Variants in TPX2 observed in about 807,000 individuals in gnomAD.
TPX2 encodes targeting protein for Xklp2.
A neutral mutation model predicts 93.6 loss-of-function variants in TPX2; 21 were observed. The observed-to-expected ratio is 0.22, with a 90% CI of 0.16 to 0.32. TPX2 has a LOEUF of 0.32. Ranked by LOEUF, TPX2 falls within the 10% of genes least tolerant of loss-of-function variation. The pLI, the probability that TPX2 is intolerant of heterozygous loss-of-function variation, is 1.00. For missense variants in TPX2, 776 were observed against 871.1 expected (o/e 0.89, Z 1.37); for synonymous variants, 281 against 298.3 (o/e 0.94, Z 0.60).
chr20:31,776,050 G>GGTTTTT (rs2061995504), intron 8 of TPX2, 62 bp downstream of exon 8: 1 of 325,920 alleles, frequency 3.1e-6, no homozygotes, highest in African/African-American at 2.9e-5. Context: ...CTTGGTAGGT[G>GGTTTTT]TTTTTTTTTT....
At chr20:31,776,104 C>A (rs866140742) in intron 8 of TPX2, 116 bp downstream of exon 8, 1 of 947,806 alleles carries the variant, frequency 1.1e-6, no homozygotes, top group African/African-American at 2.0e-5. Context: ...GACGGAGTCT[C>A]GCTCTGTCGC....
chr20:31,771,821 C>T lies in TPX2; in HGVS notation c.608+139C>T, dbSNP rs570513080. On this transcript the variant is annotated intron_variant, in intron 7 of 17. Coordinates refer to ENST00000300403, the MANE Select transcript of TPX2 (RefSeq NM_012112.5). Reference sequence around the variant, plus strand: ...TGGTGAGGTGAATTGTTACATGTGTCCTGATGGGTGCTCAGATTTTTAAAT... The same window carrying T: ...TGGTGAGGTGAATTGTTACATGTGTTCTGATGGGTGCTCAGATTTTTAAAT... 1.4e-4 allele frequency: 124 copies of T among 866,848 alleles called. No individual in the cohort carries two copies. In the Admixed American group the frequency reaches 3.8e-3, roughly 27 times the overall value. The allele number at this position is 866,848 out of a possible 1,614,324, so 53.7% of individuals were successfully genotyped here.
At chr20:31,780,393 C>CA (rs2062026078) in intron 10 of TPX2, among the ~76,000 whole-genome samples, 1 of 151,916 alleles carries the variant, frequency 6.6e-6, no homozygotes, top group African/African-American at 2.4e-5. Context: ...TTCTAGTGGC[C>CA]AAAATGATTT....
chr20:31,760,079 T>C lies in TPX2; in HGVS notation c.129T>C (p.Asn43=). The C allele has an allele frequency of 6.2e-7, 1 of 1,613,824 alleles. No individual in the cohort carries two copies. Residue 43 remains asparagine (N), a synonymous_variant, in exon 4 of 18, where the codon AAT becomes AAC. Coordinates refer to ENST00000300403, the MANE Select transcript of TPX2 (RefSeq NM_012112.5). The part of the protein sequence containing the change: ...SWFEEKANLE[N]KLLGKNGTGG... The stretch of plus-strand genomic sequence containing the variant: ...CAGAGGAGAAGGCCAATTTGGAGAA[T>C]AAGTTACTGGGGAAGAATGGAACTG...
chr20:31,781,388 C>T (rs2123054666), intron 10 of TPX2, among the ~76,000 whole-genome samples: 1 of 151,510 alleles, frequency 6.6e-6, no homozygotes, highest in Non-Finnish European at 1.5e-5. Context: ...GCCTCAGCCT[C>T]CCGAGTAGCT....
intron 1 of TPX2, 93 bp from the exon 2 acceptor site, chr20:31,742,448 G>GAAT (rs2061758720): frequency 6.6e-6 from 1 of 152,266 alleles, no homozygotes; most frequent in Non-Finnish European, 1.5e-5. Flanking sequence ...AAAGTGCTGG[G>GAAT]ATTATAGGCG....
chr20:31,797,332 A>C, intron 15 of TPX2, 72 bp from the exon 16 acceptor site: 1 of 1,365,090 alleles, frequency 7.3e-7, no homozygotes, highest in Non-Finnish European at 1.0e-6. Context: ...CAGACATTAG[A>C]ACTTAAGTTA....
intron 12 of TPX2, among the ~76,000 whole-genome samples, chr20:31,787,282 G>A (rs1457782195): frequency 1.3e-5 from 2 of 150,002 alleles, no homozygotes; most frequent in African/African-American, 4.9e-5. Flanking sequence ...ACCCTACAAT[G>A]CTTACTGTTA....
chr20:31,789,367 C>T (rs919825247), intron 12 of TPX2, among the ~76,000 whole-genome samples: 12 of 152,156 alleles, frequency 7.9e-5, no homozygotes. Flanking sequence ...TAGAAGCTGA[C>T]ATGCACCTAG....
At chr20:31,781,878 G>A (rs1307221344) in intron 10 of TPX2, among the ~76,000 whole-genome samples, 9 of 151,956 alleles carry the variant, frequency 5.9e-5, no homozygotes, top group Non-Finnish European at 1.2e-4. Context: ...AGGGAGGTTG[G>A]ATTTGTAGTG....
intron 7 of TPX2, among the ~76,000 whole-genome samples, chr20:31,773,957 C>A (rs140648650): frequency 1.3e-5 from 2 of 151,818 alleles, no homozygotes; most frequent in Non-Finnish European, 2.9e-5. Flanking sequence ...CTGCAACCTC[C>A]GCTTCCCGTG....
chr20:31,760,131 T>G lies in TPX2; in HGVS notation c.181T>G (p.Leu61Val). 1 of 1,613,978 alleles carries G rather than the reference T, an allele frequency of 6.2e-7. No homozygotes were observed. Among genetic ancestry groups the G allele is most frequent in the East Asian group, 2.2e-5 (1 of 44,858 alleles). The change falls in exon 4 of 18, where the codon TTG becomes GTG. Residue 61 changes from leucine to valine, a missense_variant. Transcript: ENST00000300403. ...AGGGCTTTTTCAGGGCAAAACTCCT[T>G]TGAGAAAGGCTAATCTTCAGCAAGC... ...TGGLFQGKTP[L>V]RKANLQQAIV... is the part of the protein sequence containing the mutation.
Position 31,782,376 on chromosome 20 carries a change from C to G in TPX2, c.1182C>G (p.Leu394=). ...KSTAELEAEE[L]EKLQQYKFKA... Reference sequence around the variant, plus strand: ...CAGCAGAGCTGGAGGCTGAGGAGCTCGAGAAATTGCAACAGTAAGTCCCAC... The same window carrying G: ...CAGCAGAGCTGGAGGCTGAGGAGCTGGAGAAATTGCAACAGTAAGTCCCAC... Residue 394 remains leucine (L), a synonymous_variant, in exon 11 of 18, where the codon CTC becomes CTG. Transcript: ENST00000300403. 3.1e-6 allele frequency: 5 copies of G among 1,609,950 alleles called. No homozygotes were observed. Among genetic ancestry groups the G allele is most frequent in the Non-Finnish European group, 4.2e-6 (5 of 1,178,638 alleles).
intron 2 of TPX2, among the ~76,000 whole-genome samples, chr20:31,753,845 G>A (rs545130500): frequency 6.6e-6 from 1 of 152,118 alleles, no homozygotes. Flanking sequence ...GGCCAACATG[G>A]TGAAACCCCA....
At position 31,768,844 on chromosome 20, in the gene TPX2, C is replaced by G. The variant is rs182648068; in HGVS notation, c.357-1499C>G. On this transcript the variant is annotated intron_variant, in intron 5 of 17. Coordinates refer to ENST00000300403, the MANE Select transcript of TPX2 (RefSeq NM_012112.5). ...TGGCCGATACACATGTGAAAATGTA[C>G]TCAGTTTCACTGATCATCAGAGAAA... 1.6e-3 allele frequency among the ~76,000 whole-genome samples: 245 copies of G among 151,852 alleles called. 2 individuals are homozygous for G. The highest frequency in any genetic ancestry group is 5.8e-3 in the African/African-American group (238 of 41,110).
intron 12 of TPX2, among the ~76,000 whole-genome samples, chr20:31,789,885 G>A (rs1291294672): frequency 6.6e-6 from 1 of 152,204 alleles, no homozygotes; most frequent in Non-Finnish European, 1.5e-5. Context: ...TGAATGCAGA[G>A]AGAGGGAATT....
chr20:31,765,357 A>G (rs1477920048), intron 4 of TPX2, among the ~76,000 whole-genome samples: 1 of 150,028 alleles, frequency 6.7e-6, no homozygotes, highest in African/African-American at 2.4e-5. Context: ...AAACATGGCC[A>G]TGGTAACATG....
chr20:31,789,389 T>A (rs2062086601), intron 12 of TPX2, among the ~76,000 whole-genome samples: 1 of 152,104 alleles, frequency 6.6e-6, no homozygotes, highest in African/African-American at 2.4e-5. Context: ...CACTAGGAAT[T>A]CAAAGATGGT....
intron 12 of TPX2, among the ~76,000 whole-genome samples, chr20:31,790,978 G>C (rs1454929476): frequency 6.6e-6 from 1 of 152,172 alleles, no homozygotes; most frequent in Non-Finnish European, 1.5e-5. Flanking sequence ...CTTTATAAAA[G>C]TGGAGGCTTG....
Sources: gnomAD v4.1 joint callset for allele counts (sites outside exome capture counted in the v4.1 genomes callset) on GRCh38, gnomAD v4.1.1 for gene constraint, MANE v1.5 for transcripts, NCBI Gene and HGNC (gene_info 2026-07-23, HGNC 2026-07-21) for gene names.